FHIT: variants seen among roughly 807,000 people sequenced by gnomAD.
FHIT encodes the protein fragile histidine triad diadenosine triphosphatase, also known as bis(5'-adenosyl)-triphosphatase.
In FHIT, 19 loss-of-function variants were observed where a neutral mutation model predicts 17.9. The ratio of observed to expected loss-of-function variants is 1.06; its 90% confidence interval spans 0.74 to 1.56. The LOEUF is 1.56. FHIT is among the 40% of genes most tolerant of loss of function. The pLI is 0.00. For missense variants in FHIT, 248 were observed against 189.2 expected (o/e 1.31, Z -1.82); for synonymous variants, 81 against 69.7 (o/e 1.16, Z -0.81).
intron 5 of FHIT, among the ~76,000 whole-genome samples, chr3:60,440,347 T>C (rs2030683878): frequency 6.6e-6 from 1 of 152,104 alleles, no homozygotes; most frequent in Non-Finnish European, 1.5e-5. Flanking sequence ...CGTCTCTATC[T>C]GGAAGATGGT....
At chr3:60,210,840 TCAATA>T (rs1171866630) in intron 5 of FHIT, among the ~76,000 whole-genome samples, 2 of 152,078 alleles carry the variant, frequency 1.3e-5, no homozygotes, top group Non-Finnish European at 2.9e-5. Context: ...TAAGTGTTCA[TCAATA>T]CCTAGCAAAA....
chr3:60,811,656 G>A (rs187284118), intron 4 of FHIT, among the ~76,000 whole-genome samples: 40 of 152,202 alleles, frequency 2.6e-4, no homozygotes, highest in African/African-American at 9.4e-4. Flanking sequence ...CTCCAGGCTA[G>A]GACACCTCAC....
intron 4 of FHIT, among the ~76,000 whole-genome samples, chr3:60,750,652 G>A (rs1404138014): frequency 2.0e-5 from 3 of 152,126 alleles, no homozygotes; most frequent in African/African-American, 4.8e-5. Context: ...GGAACAGTAA[G>A]TCCAATAAAC....
intron 5 of FHIT, among the ~76,000 whole-genome samples, chr3:60,243,999 G>C (rs1164162428): frequency 6.6e-6 from 1 of 151,952 alleles, no homozygotes; most frequent in Non-Finnish European, 1.5e-5. Context: ...GAAAAACTCA[G>C]ACAGGTCTTA....
intron 1 of FHIT, among the ~76,000 whole-genome samples, chr3:61,206,156 T>C (rs2039222643): frequency 7.5e-6 from 1 of 134,060 alleles, no homozygotes; most frequent in Non-Finnish European, 1.6e-5. Flanking sequence ...CTGAGGGCTC[T>C]GTTCTGTTCC....
At chr3:60,482,232 C>T (rs2033640184) in intron 5 of FHIT, among the ~76,000 whole-genome samples, 2 of 152,096 alleles carry the variant, frequency 1.3e-5, no homozygotes, top group Admixed American at 6.5e-5. Context: ...TAGTGGGAGA[C>T]TTTAACACCA....
At chr3:60,041,196 G>A (rs543247584) in intron 5 of FHIT, among the ~76,000 whole-genome samples, 20 of 152,210 alleles carry the variant, frequency 1.3e-4, no homozygotes, top group Admixed American at 3.9e-4. Context: ...GACATGACCC[G>A]ACAGAAGGAG....
intron 5 of FHIT, among the ~76,000 whole-genome samples, chr3:60,225,278 G>A (rs962491160): frequency 3.3e-5 from 5 of 152,126 alleles, no homozygotes; most frequent in African/African-American, 1.2e-4. Context: ...TTAACTACAT[G>A]CTGACCAACT....
chr3:60,784,490 C>A (rs2108103717), intron 4 of FHIT, among the ~76,000 whole-genome samples: 1 of 152,268 alleles, frequency 6.6e-6, no homozygotes, highest in South Asian at 2.1e-4. Context: ...CGTGCCCCAC[C>A]ACACTCAGCT....
At chr3:60,914,632 G>A (rs1706913695) in intron 3 of FHIT, among the ~76,000 whole-genome samples, 1 of 152,160 alleles carries the variant, frequency 6.6e-6, no homozygotes, top group Admixed American at 6.5e-5. Context: ...CTTCAATGAT[G>A]ATTATCAATT....
intron 7 of FHIT, among the ~76,000 whole-genome samples, chr3:59,941,818 A>G (rs1706533485): frequency 6.6e-6 from 1 of 152,178 alleles, no homozygotes; most frequent in Non-Finnish European, 1.5e-5. Context: ...ATGATCCCCA[A>G]TGCATGAAGT....
intron 5 of FHIT, among the ~76,000 whole-genome samples, chr3:60,131,618 C>T (rs1243524427): frequency 6.6e-6 from 1 of 152,074 alleles, no homozygotes; most frequent in Non-Finnish European, 1.5e-5. Flanking sequence ...AAGGTGGCAC[C>T]CACAGATATG....
chr3:60,702,445 A>G (rs958423240), intron 4 of FHIT, among the ~76,000 whole-genome samples: 1 of 152,038 alleles, frequency 6.6e-6, no homozygotes, highest in African/African-American at 2.4e-5. Context: ...TTTTATCTCC[A>G]TAACATTTTT....
At chr3:60,896,634 A>G (rs1553762030) in intron 3 of FHIT, among the ~76,000 whole-genome samples, 1 of 152,240 alleles carries the variant, frequency 6.6e-6, no homozygotes, top group East Asian at 1.9e-4. Context: ...ATTGAAGGCC[A>G]TGCCCATCTG....
chr3:60,931,887 G>A (rs950607944), intron 3 of FHIT, among the ~76,000 whole-genome samples: 2 of 152,204 alleles, frequency 1.3e-5, no homozygotes, highest in Admixed American at 6.5e-5. Context: ...AGAGCCAACA[G>A]CATGTGTCCT....
intron 2 of FHIT, among the ~76,000 whole-genome samples, chr3:61,164,134 T>C (rs1204410347): frequency 6.6e-6 from 1 of 152,182 alleles, no homozygotes; most frequent in Non-Finnish European, 1.5e-5. Flanking sequence ...ATCGATCACC[T>C]ACTACAAGGT....
chr3:61,190,633 T>C (rs2038683740), intron 2 of FHIT, among the ~76,000 whole-genome samples: 1 of 152,160 alleles, frequency 6.6e-6, no homozygotes. Context: ...CATGCATACG[T>C]ATGTTTATTG....
At chr3:60,045,893 C>G (rs747895621) in intron 5 of FHIT, among the ~76,000 whole-genome samples, 3 of 152,176 alleles carry the variant, frequency 2.0e-5, no homozygotes, top group Non-Finnish European at 4.4e-5. Context: ...CTAGAGATCA[C>G]CAGCAGGAGT....
chr3:59,947,717 G>A (rs1041787738), intron 7 of FHIT, among the ~76,000 whole-genome samples: 5 of 152,092 alleles, frequency 3.3e-5, no homozygotes, highest in Admixed American at 2.0e-4. Context: ...TGTGCTGGAG[G>A]GGCATAGGTG....
Sources: gnomAD v4.1 joint callset for allele counts (sites outside exome capture counted in the v4.1 genomes callset) on GRCh38, gnomAD v4.1.1 for gene constraint, MANE v1.5 for transcripts, NCBI Gene and HGNC (gene_info 2026-07-23, HGNC 2026-07-21) for gene names.